The following ECPAS variants were observed in gnomAD, a reference collection of about 807,000 sequenced individuals.
The protein encoded by ECPAS is proteasome adapter and scaffold protein ECM29.
Under a neutral mutation model 255.1 loss-of-function variants are expected in ECPAS, and 70 were observed. The ratio of observed to expected loss-of-function variants is 0.27; its 90% CI spans 0.23 to 0.33. The LOEUF (loss-of-function observed/expected upper bound fraction) is 0.33, where lower values mean the gene tolerates loss of function less well. Among genes scored for constraint, ECPAS ranks in the 10% least tolerant of loss-of-function variants. ECPAS has a pLI of 1.00. For missense variants in ECPAS, 1,817 were observed against 2,206.4 expected (o/e 0.82, Z 3.54); for synonymous variants, 784 against 775.0 (o/e 1.01, Z -0.19).
chr9:111,401,099 C>T (rs942917252), intron 24 of ECPAS, among the ~76,000 whole-genome samples: 1 of 152,120 alleles, frequency 6.6e-6, no homozygotes, highest in South Asian at 2.1e-4. Context: ...AGTGAAATAA[C>T]ATATTCAAAG....
At chr9:111,459,708 T>A (rs758888220) in intron 2 of ECPAS, among the ~76,000 whole-genome samples, 4 of 152,212 alleles carry the variant, frequency 2.6e-5, no homozygotes, top group Non-Finnish European at 5.9e-5. Flanking sequence ...GGGGCTTTTT[T>A]AATTACTTCT....
chr9:111,465,087 G>A (rs921897047), intron 2 of ECPAS, among the ~76,000 whole-genome samples: 1 of 151,908 alleles, frequency 6.6e-6, no homozygotes, highest in African/African-American at 2.4e-5. Flanking sequence ...GTGGTGAGTC[G>A]AAATCATCCC....
chr9:111,380,790 G>A (rs1431856658), intron 35 of ECPAS, among the ~76,000 whole-genome samples: 2 of 152,202 alleles, frequency 1.3e-5, no homozygotes, highest in East Asian at 3.8e-4. Context: ...GCATCTTTAT[G>A]TTATGAAGAC....
chr9:111,468,582 C>T (rs1297757338), intron 2 of ECPAS, among the ~76,000 whole-genome samples: 2 of 151,636 alleles, frequency 1.3e-5, no homozygotes, highest in East Asian at 3.9e-4. Flanking sequence ...ACTCTTAAAA[C>T]AAGGCCTTTT....
In ECPAS at chr9:111,372,599, C is replaced by A. The variant is rs758889864; in HGVS notation, c.4358G>T (p.Cys1453Phe). ...EKEEPIYKTS[C>F]ALTIHAIGRY... Reference sequence around the variant, plus strand: ...TCCAATAGCATGAATAGTCAAAGCACAAGAGGTCTTGTAGATAGGTTCTGA... The same window carrying A: ...TCCAATAGCATGAATAGTCAAAGCAAAAGAGGTCTTGTAGATAGGTTCTGA... The change falls in exon 42 of 50, where the codon TGT becomes TTT. Residue 1453 changes from cysteine (C) to phenylalanine (F), a missense_variant. Physicochemically the swap from Cys to Phe is radical, Grantham distance 205 (BLOSUM62 -2). Coordinates refer to ENST00000684092, the MANE Select transcript of ECPAS (RefSeq NM_001364929.1). 6.2e-7 allele frequency: 1 copy of A among 1,612,352 alleles called. No individual in the cohort carries two copies. The highest frequency in any genetic ancestry group is 1.1e-5 in the South Asian group (1 of 90,856).
Position 111,433,216 on chromosome 9 carries a change from T to A in ECPAS, c.848+17A>T. 1 of 1,609,390 alleles carries A rather than the reference T, an allele frequency of 6.2e-7. No individual in the cohort carries two copies. The highest frequency in any genetic ancestry group is 2.2e-5 in the East Asian group (1 of 44,794). ...TGTAGTCCTTTCAATCTTGAAAGTTTACAGGGAAGTAGTTACCTCTGTTTG... is the reference window on the plus strand; with the variant it reads ...TGTAGTCCTTTCAATCTTGAAAGTTAACAGGGAAGTAGTTACCTCTGTTTG... On this transcript the variant is annotated intron_variant, in intron 8 of 49. Transcript: ENST00000684092.
At chr9:111,421,515 A>T (rs1305246690) in intron 15 of ECPAS, among the ~76,000 whole-genome samples, 1 of 151,916 alleles carries the variant, frequency 6.6e-6, no homozygotes, top group Non-Finnish European at 1.5e-5. Flanking sequence ...GAAGAAGAGC[A>T]TGTATGATAG....
At chr9:111,372,354 T>C in intron 42 of ECPAS, 75 bp downstream of exon 42, 1 of 1,352,424 alleles carries the variant, frequency 7.4e-7, no homozygotes, top group Non-Finnish European at 1.0e-6. Flanking sequence ...GAGGAGTTTA[T>C]GAATAACGAA....
intron 19 of ECPAS, among the ~76,000 whole-genome samples, chr9:111,414,217 G>A (rs1411877107): frequency 6.6e-6 from 1 of 151,920 alleles, no homozygotes; most frequent in South Asian, 2.1e-4. Context: ...ATCCACTTCC[G>A]AAGTAAAAAT....
In ECPAS at chr9:111,375,222, A is replaced by G. The variant is rs1281560662; in HGVS notation, c.4021-20T>C. ...CAGGCACTTTTGAAAAAGGACAAAT[A>G]TAAAGGTAAGCCTTGGCAAATAAGT... On this transcript the variant is annotated intron_variant, in intron 37 of 49. Transcript: ENST00000684092. 1 of 1,600,792 alleles carries G rather than the reference A, an allele frequency of 6.2e-7. No homozygotes were observed. The highest frequency in any genetic ancestry group is 8.6e-7 in the Non-Finnish European group (1 of 1,168,262).
At chr9:111,444,578 C>A in intron 3 of ECPAS, 84 bp from the exon 4 acceptor site, 1 of 901,466 alleles carries the variant, frequency 1.1e-6, no homozygotes, top group Non-Finnish European at 1.8e-6. Flanking sequence ...CAGATGTTAT[C>A]TATGTTAGTG....
At chr9:111,365,016 C>T (rs1406408079) in intron 48 of ECPAS, among the ~76,000 whole-genome samples, 1 of 152,038 alleles carries the variant, frequency 6.6e-6, no homozygotes, top group Non-Finnish European at 1.5e-5. Context: ...CAATAAAATT[C>T]AATAAATAAT....
At chr9:111,369,793 A>G (rs1463983395) in intron 45 of ECPAS, among the ~76,000 whole-genome samples, 1 of 152,090 alleles carries the variant, frequency 6.6e-6, no homozygotes, top group Non-Finnish European at 1.5e-5. Flanking sequence ...CATTTTCCAC[A>G]TGAAACTTGA....
At chr9:111,462,986 T>A (rs1008365182) in intron 2 of ECPAS, among the ~76,000 whole-genome samples, 1 of 152,144 alleles carries the variant, frequency 6.6e-6, no homozygotes, top group African/African-American at 2.4e-5. Context: ...ACTCAGGTGA[T>A]CCACCCACCT....
At chr9:111,372,308 T>C (rs1474625432) in intron 42 of ECPAS, 121 bp downstream of exon 42, 1 of 904,212 alleles carries the variant, frequency 1.1e-6, no homozygotes, top group Non-Finnish European at 1.7e-6. Context: ...TAAAACTAAA[T>C]GGGATGCATA....
intron 25 of ECPAS, among the ~76,000 whole-genome samples, chr9:111,394,509 G>A (rs911357174): frequency 1.3e-5 from 2 of 152,064 alleles, no homozygotes; most frequent in South Asian, 2.1e-4. Context: ...AAAGGTACTC[G>A]AGTAACTTTT....
Position 111,390,096 on chromosome 9 carries a change from C to T in ECPAS, c.3167G>A (p.Gly1056Asp), listed in dbSNP as rs1264996708. The T allele has an allele frequency of 2.5e-6, 4 of 1,570,504 alleles. No homozygotes were observed. Among genetic ancestry groups the T allele is most frequent in the Admixed American group, 1.7e-5 (1 of 57,614 alleles). ...ACAAAGTTCCTTGTAAGTAGAAAGG[C>T]CCTGACTTGGAAACAAAGAAAAAGA... ...GALGKTPDGQGLSTYKELCSL... is the reference protein window; with the variant it reads ...GALGKTPDGQDLSTYKELCSL... The change falls in exon 30 of 50, where the codon GGC becomes GAC. Residue 1056 changes from glycine (G) to aspartate (D), a missense_variant. By Grantham distance (94) the Gly-to-Asp change is moderately conservative (BLOSUM62 -1). This residue lies in a region of ECPAS where 960 missense variants were observed against 1,179.0 expected (regional missense o/e 0.81). Coordinates refer to ENST00000684092, the MANE Select transcript of ECPAS (RefSeq NM_001364929.1).
intron 1 of ECPAS, chr9:111,483,774 G>C (rs1292908938): frequency 1.7e-5 from 3 of 176,628 alleles, no homozygotes; most frequent in Admixed American, 6.7e-5. Context: ...TCGCGCCTCT[G>C]CGGAGCCGCT....
chr9:111,421,390 TATATTAC>T (rs541096235), intron 15 of ECPAS, among the ~76,000 whole-genome samples: 179 of 150,330 alleles, frequency 1.2e-3, no homozygotes, highest in Non-Finnish European at 2.0e-3. Flanking sequence ...AAAGCAAATA[TATATTAC>T]ATATTACATA....
Sources: allele counts gnomAD v4.1 joint callset (sites outside exome capture counted in the v4.1 genomes callset), GRCh38; gene constraint gnomAD v4.1.1; regional missense constraint gnomAD v4.1.1; transcripts MANE v1.5; gene names NCBI Gene and HGNC (gene_info 2026-07-23, HGNC 2026-07-21).